BMPR1A: variants seen among roughly 807,000 people sequenced by gnomAD.
The protein encoded by BMPR1A is bone morphogenetic protein receptor type 1A, also known as bone morphogenetic protein receptor type-1A.
Under a neutral mutation model 66.0 loss-of-function variants are expected in BMPR1A, and 7 were observed. The observed-to-expected ratio is 0.11, with a 90% CI of 0.06 to 0.20. BMPR1A has a LOEUF of 0.20. Among genes scored for constraint, BMPR1A ranks in the 10% least tolerant of loss-of-function variants. The probability of loss-of-function intolerance (pLI) is 1.00; values close to 1 mark genes in which losing one functional copy is unlikely to be tolerated. For missense variants in BMPR1A, 408 were observed against 669.1 expected (o/e 0.61, Z 4.31); for synonymous variants, 200 against 229.7 (o/e 0.87, Z 1.17).
Position 86,758,385 on chromosome 10 carries a change from GTCTT to G in BMPR1A, c.-268+1471_-268+1474del, listed in dbSNP as rs1247265911. 3.2e-4 allele frequency among the ~76,000 whole-genome samples: 27 copies of G among 84,826 alleles called. No individual in the cohort carries two copies. The East Asian group carries it at 4.6e-3, about 14-fold the overall frequency. 55.6% of individuals were successfully genotyped at this position (84,826 alleles called of 152,430 possible). On this transcript the variant is annotated intron_variant, in intron 1 of 12. Coordinates refer to ENST00000372037, the MANE Select transcript of BMPR1A (RefSeq NM_004329.3). ...AGGGAGAATTTTTTTTTTTTTTTTT[GTCTT>G]TCTTATTAGTTAACACCTTGGGGTT... is the stretch of plus-strand genomic sequence containing the variant.
At chr10:86,888,503 A>T (rs1450924399) in intron 3 of BMPR1A, among the ~76,000 whole-genome samples, 1 of 151,982 alleles carries the variant, frequency 6.6e-6, no homozygotes, top group African/African-American at 2.4e-5. Context: ...TCAGTAGCAA[A>T]TTCTTTTACT....
intron 1 of BMPR1A, among the ~76,000 whole-genome samples, chr10:86,820,966 A>G (rs538339471): frequency 1.6e-4 from 25 of 152,222 alleles, no homozygotes; most frequent in Non-Finnish European, 2.9e-4. Context: ...AAAGAAGACA[A>G]TTATCAACTG....
intron 7 of BMPR1A, among the ~76,000 whole-genome samples, chr10:86,911,150 G>T (rs1201669913): frequency 3.1e-5 from 3 of 98,176 alleles, no homozygotes; most frequent in Admixed American, 1.2e-4. Context: ...GTGAGACCCT[G>T]TCTCAAAAAA....
At chr10:86,910,197 T>C (rs1375568576) in intron 7 of BMPR1A, among the ~76,000 whole-genome samples, 1 of 151,226 alleles carries the variant, frequency 6.6e-6, no homozygotes, top group Non-Finnish European at 1.5e-5. Flanking sequence ...ATTAGCCAGG[T>C]GTGGTGGTGG....
rs184140882 is a variant in BMPR1A, at chr10:86,814,968, T to C, written c.-267-23897T>C. 3.3e-4 allele frequency among the ~76,000 whole-genome samples: 51 copies of C among 152,266 alleles called. 1 individual carries two copies. The highest frequency in any genetic ancestry group is 1.0e-4 in the Non-Finnish European group (7 of 68,008). ...GCTCGGCTAATTTTTGTATTTTTAGTAGAGACAGGGTTTCACCATATTGGC... is the reference window on the plus strand; with the variant it reads ...GCTCGGCTAATTTTTGTATTTTTAGCAGAGACAGGGTTTCACCATATTGGC... On this transcript the variant is annotated intron_variant, in intron 1 of 12. Coordinates refer to ENST00000372037, the MANE Select transcript of BMPR1A (RefSeq NM_004329.3).
downstream of BMPR1A, chr10:86,929,741 A>C (rs752388040): frequency 6.6e-6 from 1 of 152,226 alleles, no homozygotes; most frequent in Non-Finnish European, 1.5e-5. Flanking sequence ...GGAAACACTG[A>C]ATAAATGTAT....
intron 2 of BMPR1A, chr10:86,856,097 C>T: frequency 1.9e-6 from 1 of 532,292 alleles, no homozygotes. Context: ...GACTTTCTTT[C>T]AGTAATATCA....
chr10:86,756,311 G>T (rs11202163), upstream of BMPR1A: 1,738 of 152,248 alleles, frequency 0.011, 27 homozygotes, highest in South Asian at 0.083. Context: ...GCTGGCTTGT[G>T]GGGAGGGGCC....
intron 1 of BMPR1A, among the ~76,000 whole-genome samples, chr10:86,818,703 T>C (rs1299280825): frequency 6.6e-6 from 1 of 152,226 alleles, no homozygotes; most frequent in Non-Finnish European, 1.5e-5. Flanking sequence ...TTTCTCTCTA[T>C]TGAGCAGCAG....
At chr10:86,818,970 C>T (rs571314136) in intron 1 of BMPR1A, among the ~76,000 whole-genome samples, 3 of 152,256 alleles carry the variant, frequency 2.0e-5, no homozygotes, top group South Asian at 2.1e-4. Context: ...TCAGTAAATA[C>T]GTTGAATGAA....
intron 3 of BMPR1A, chr10:86,889,611 G>A (rs1843118433): frequency 5.9e-6 from 1 of 170,410 alleles, no homozygotes; most frequent in East Asian, 1.7e-4. Flanking sequence ...CACGAAGGTG[G>A]TTTTCCCAGG....
rs11202263 is a variant in BMPR1A, at chr10:86,926,089, C to T, written c.*2370C>T. On this transcript the variant is annotated 3_prime_UTR_variant, in exon 13 of 13. Coordinates refer to ENST00000372037, the MANE Select transcript of BMPR1A (RefSeq NM_004329.3). The stretch of plus-strand genomic sequence containing the variant: ...AAAAAATTACAGCCAGTATATGAGA[C>T]CACTATTATGGTTTTTTAAAATTAA... 26,616 of 172,080 alleles carry T rather than the reference C, an allele frequency of 0.15. 3,726 individuals are homozygous for T. Among genetic ancestry groups the T allele is most frequent in the East Asian group, 0.67 (6,301 of 9,424 alleles). 10.7% of individuals were successfully genotyped at this position (172,080 alleles called of 1,614,324 possible). A position where few individuals can be genotyped will look rare whatever the true frequency, so the allele number is the denominator to read the frequency against.
At chr10:86,801,417 G>T (rs1027537713) in intron 1 of BMPR1A, among the ~76,000 whole-genome samples, 3 of 152,118 alleles carry the variant, frequency 2.0e-5, no homozygotes, top group African/African-American at 4.8e-5. Context: ...CTGGGATTAC[G>T]GGTGTGAGCC....
intron 2 of BMPR1A, among the ~76,000 whole-genome samples, chr10:86,840,597 C>T (rs769994111): frequency 6.6e-6 from 1 of 152,106 alleles, no homozygotes; most frequent in Non-Finnish European, 1.5e-5. Context: ...TCTCAACTTC[C>T]TATCTCAGTT....
intron 3 of BMPR1A, among the ~76,000 whole-genome samples, chr10:86,885,124 A>T (rs555829277): frequency 8.9e-4 from 136 of 152,338 alleles, no homozygotes; most frequent in Admixed American, 2.0e-3. Flanking sequence ...GGAAATTTCT[A>T]TATCAGTAAT....
chr10:86,839,592 C>CA (rs1210538965), intron 2 of BMPR1A, among the ~76,000 whole-genome samples: 24,470 of 72,694 alleles, frequency 0.34, 4,226 homozygotes, highest in East Asian at 0.64. Flanking sequence ...GACTCTGTCT[C>CA]AAAAAAAAAA....
At chr10:86,910,537 T>G (rs1843465799) in intron 7 of BMPR1A, among the ~76,000 whole-genome samples, 1 of 152,102 alleles carries the variant, frequency 6.6e-6, no homozygotes, top group Non-Finnish European at 1.5e-5. Context: ...GTAGTTTTGT[T>G]TCTAAGGAAA....
At chr10:86,872,300 C>T (rs376239710) in intron 2 of BMPR1A, among the ~76,000 whole-genome samples, 1 of 152,220 alleles carries the variant, frequency 6.6e-6, no homozygotes, top group South Asian at 2.1e-4. Context: ...TACTATGTAC[C>T]AGGCTCTCCT....
intron 1 of BMPR1A, among the ~76,000 whole-genome samples, chr10:86,803,577 C>A (rs1057477169): frequency 2.6e-5 from 4 of 152,070 alleles, no homozygotes; most frequent in Non-Finnish European, 5.9e-5. Context: ...TTTCCCAAAT[C>A]GTTGGCAAAT....
Sources: gnomAD v4.1 joint callset for allele counts (sites outside exome capture counted in the v4.1 genomes callset) on GRCh38, gnomAD v4.1.1 for gene constraint, MANE v1.5 for transcripts, NCBI Gene and HGNC (gene_info 2026-07-23, HGNC 2026-07-21) for gene names.